TRPC7: variants seen among roughly 807,000 people sequenced by gnomAD.
TRPC7 encodes the protein transient receptor potential cation channel subfamily C member 7.
In TRPC7, 42 loss-of-function variants were observed where a neutral mutation model predicts 90.1. The observed-to-expected ratio is 0.47, with a 90% CI of 0.36 to 0.60. TRPC7 has a LOEUF of 0.60. Ranked by LOEUF, TRPC7 falls within the 20% of genes least tolerant of loss-of-function variation. The pLI, the probability that TRPC7 is intolerant of heterozygous loss-of-function variation, is 0.00. For missense variants in TRPC7, 955 were observed against 1,112.3 expected (o/e 0.86, Z 2.01); for synonymous variants, 451 against 436.3 (o/e 1.03, Z -0.42).
At chr5:136,314,671 A>G (rs1027217223) in intron 3 of TRPC7, among the ~76,000 whole-genome samples, 2 of 152,226 alleles carry the variant, frequency 1.3e-5, no homozygotes, top group African/African-American at 2.4e-5. Context: ...ATTAAGACAC[A>G]CACAAATTAA....
intron 6 of TRPC7, among the ~76,000 whole-genome samples, chr5:136,250,498 T>C (rs1176639760): frequency 6.6e-6 from 1 of 152,248 alleles, no homozygotes; most frequent in Non-Finnish European, 1.5e-5. Context: ...TGTTAACAAG[T>C]ATCTACTGTT....
intron 8 of TRPC7, among the ~76,000 whole-genome samples, chr5:136,230,284 T>C (rs1420997374): frequency 6.6e-6 from 1 of 152,218 alleles, no homozygotes; most frequent in Non-Finnish European, 1.5e-5. Flanking sequence ...ACATGATTTA[T>C]AAAGGATAAA....
chr5:136,340,287 G>T (rs1410758298), intron 2 of TRPC7, among the ~76,000 whole-genome samples: 1 of 151,972 alleles, frequency 6.6e-6, no homozygotes, highest in Non-Finnish European at 1.5e-5. Context: ...GTAGAGAGCA[G>T]ATTGGTGGTG....
intron 3 of TRPC7, among the ~76,000 whole-genome samples, chr5:136,300,257 G>T (rs1015238953): frequency 2.0e-5 from 3 of 152,200 alleles, no homozygotes; most frequent in Non-Finnish European, 2.9e-5. Flanking sequence ...CCTGAAGAAA[G>T]GCAAAGAGGA....
chr5:136,281,809 G>A (rs1757560040), intron 3 of TRPC7, among the ~76,000 whole-genome samples: 1 of 152,090 alleles, frequency 6.6e-6, no homozygotes, highest in Admixed American at 6.5e-5. Flanking sequence ...TTTGGTTTAC[G>A]GTGCAATTTT....
At chr5:136,341,688 T>A (rs1759852993) in intron 2 of TRPC7, among the ~76,000 whole-genome samples, 1 of 152,170 alleles carries the variant, frequency 6.6e-6, no homozygotes, top group South Asian at 2.1e-4. Context: ...GATGAATGAT[T>A]TCTTCATTTA....
chr5:136,334,895 T>G (rs1482507777), intron 2 of TRPC7, among the ~76,000 whole-genome samples: 1 of 152,202 alleles, frequency 6.6e-6, no homozygotes, highest in East Asian at 1.9e-4. Flanking sequence ...GAGATGGCCT[T>G]GAAGCCAAGG....
chr5:136,316,862 T>C (rs1269292892), intron 2 of TRPC7, among the ~76,000 whole-genome samples: 1 of 152,198 alleles, frequency 6.6e-6, no homozygotes, highest in African/African-American at 2.4e-5. Flanking sequence ...TCAACAACCC[T>C]CAGACTGCTA....
At chr5:136,276,300 A>T (rs1372104013) in intron 3 of TRPC7, among the ~76,000 whole-genome samples, 1 of 152,192 alleles carries the variant, frequency 6.6e-6, no homozygotes. Context: ...ATGGCTGGAC[A>T]CTATGGACTA....
Position 136,234,176 on chromosome 5 carries a change from C to T in TRPC7, c.1845-2627G>A, listed in dbSNP as rs764594654. Among the ~76,000 whole-genome samples the T allele has an allele frequency of 3.4e-4, 52 of 152,180 alleles. 1 individual carries two copies. The highest frequency in any genetic ancestry group is 7.2e-4 in the Non-Finnish European group (49 of 68,034). The stretch of plus-strand genomic sequence containing the variant: ...GAGTAACTCCTGGACTTGGATTTGG[C>T]CATTTCTCCAACAGGCTCTACAAAA... On this transcript the variant is annotated intron_variant, in intron 7 of 11. Transcript: ENST00000513104.
intron 7 of TRPC7, among the ~76,000 whole-genome samples, chr5:136,241,155 A>C (rs1756150540): frequency 6.6e-6 from 1 of 152,214 alleles, no homozygotes; most frequent in African/African-American, 2.4e-5. Flanking sequence ...AATTTCCCAT[A>C]AGTGTCACGG....
At chr5:136,309,256 G>A (rs1048900871) in intron 3 of TRPC7, among the ~76,000 whole-genome samples, 28 of 152,186 alleles carry the variant, frequency 1.8e-4, no homozygotes, top group African/African-American at 6.5e-4. Flanking sequence ...CTGACTTTCT[G>A]TGTTACCATC....
chr5:136,238,685 G>T (rs946420498), intron 7 of TRPC7, among the ~76,000 whole-genome samples: 1 of 152,234 alleles, frequency 6.6e-6, no homozygotes, highest in African/African-American at 2.4e-5. Flanking sequence ...TTGAGAGGGT[G>T]CCGTGAAGCC....
At chr5:136,261,132 G>A (rs972203244) in intron 5 of TRPC7, among the ~76,000 whole-genome samples, 1 of 152,078 alleles carries the variant, frequency 6.6e-6, no homozygotes, top group Non-Finnish European at 1.5e-5. Flanking sequence ...GGATCTCAGG[G>A]TGCACCAGCA....
At chr5:136,263,123 G>A (rs1013161845) in intron 5 of TRPC7, among the ~76,000 whole-genome samples, 10 of 152,162 alleles carry the variant, frequency 6.6e-5, no homozygotes, top group South Asian at 2.1e-4. Context: ...GCTAAAAGCC[G>A]AACCGTTTTC....
intron 6 of TRPC7, among the ~76,000 whole-genome samples, chr5:136,248,881 G>T (rs1580860954): frequency 6.6e-6 from 1 of 152,352 alleles, no homozygotes. Flanking sequence ...ATGTGTGGCG[G>T]TGTCTCTGGT....
At chr5:136,301,611 A>G (rs1758391617) in intron 3 of TRPC7, among the ~76,000 whole-genome samples, 2 of 152,102 alleles carry the variant, frequency 1.3e-5, no homozygotes, top group South Asian at 2.1e-4. Context: ...GTTCTTTGTA[A>G]TTCTTCCCAC....
At chr5:136,274,557 AT>A in intron 4 of TRPC7, 115 bp downstream of exon 4, 3 of 1,163,096 alleles carry the variant, frequency 2.6e-6, no homozygotes, top group South Asian at 3.1e-5. Context: ...TCTCAGGAAT[AT>A]TTTCTTTAAA....
chr5:136,256,525 C>T (rs534010025), intron 5 of TRPC7, among the ~76,000 whole-genome samples: 6 of 148,222 alleles, frequency 4.0e-5, no homozygotes, highest in African/African-American at 1.5e-4. Flanking sequence ...CCCACCCTCA[C>T]TGTGTCATAT....
Sources: allele counts gnomAD v4.1 joint callset (sites outside exome capture counted in the v4.1 genomes callset), GRCh38; gene constraint gnomAD v4.1.1; transcripts MANE v1.5; gene names NCBI Gene and HGNC (gene_info 2026-07-23, HGNC 2026-07-21).